The following NCOR1 variants were observed in gnomAD, a reference collection of about 807,000 sequenced individuals.
NCOR1 encodes protein phosphatase 1, regulatory subunit 109.
Under a neutral mutation model 288.1 loss-of-function variants are expected in NCOR1, and 63 were observed. That is an observed-to-expected ratio of 0.22 (90% CI 0.18 to 0.27). NCOR1 has a LOEUF of 0.27. Ranked by LOEUF, NCOR1 falls within the 10% of genes least tolerant of loss-of-function variation. The probability of loss-of-function intolerance (pLI) is 1.00; values close to 1 mark genes in which losing one functional copy is unlikely to be tolerated. For missense variants in NCOR1, 2,397 were observed against 3,019.2 expected (o/e 0.79, Z 4.83); for synonymous variants, 1,007 against 1,065.9 (o/e 0.94, Z 1.08).
chr17:16,104,318 T>TA (rs572819484), intron 19 of NCOR1, among the ~76,000 whole-genome samples: 3 of 152,118 alleles, frequency 2.0e-5, no homozygotes, highest in Non-Finnish European at 2.9e-5. Context: ...GACAGCAATA[T>TA]AAAAAAAACT....
At chr17:16,067,817 T>TAC (rs1279086805) in intron 32 of NCOR1, 77 bp downstream of exon 32, 3 of 1,360,424 alleles carry the variant, frequency 2.2e-6, no homozygotes, top group Non-Finnish European at 3.0e-6. Flanking sequence ...TACTATATTG[T>TAC]ACAACAACAG....
intron 14 of NCOR1, among the ~76,000 whole-genome samples, chr17:16,130,482 G>GT (rs1002826415): frequency 1.3e-5 from 2 of 152,082 alleles, no homozygotes; most frequent in Non-Finnish European, 2.9e-5. Context: ...CGTTGTCCAG[G>GT]TTTTTCCTTT....
chr17:16,061,870 T>C lies in NCOR1; in HGVS notation c.5412A>G (p.Ser1804=), dbSNP rs777700568. Residue 1804 remains serine, a synonymous_variant, in exon 37 of 46, where the codon TCA becomes TCG. Coordinates refer to ENST00000268712, the MANE Select transcript of NCOR1 (RefSeq NM_006311.4). ...GGGAGGCTGGCAGGCCTTGGCTTATTGAAGGGCCCCCAGCAGGCAGTGGCC... is the reference window on the plus strand; with the variant it reads ...GGGAGGCTGGCAGGCCTTGGCTTATCGAAGGGCCCCCAGCAGGCAGTGGCC... ...RIMPLPAGGP[S]ISQGLPASRY... The C allele has an allele frequency of 6.2e-7, 1 of 1,611,574 alleles. No individual in the cohort carries two copies. The highest frequency in any genetic ancestry group is 1.1e-5 in the South Asian group (1 of 90,902).
intron 14 of NCOR1, among the ~76,000 whole-genome samples, chr17:16,128,990 C>T (rs574033706): frequency 1.3e-5 from 2 of 152,296 alleles, no homozygotes; most frequent in Middle Eastern, 3.4e-3. Context: ...TCAACATTCT[C>T]TTTTGGTGTT....
At chr17:16,153,417 T>C (rs750991207) in intron 6 of NCOR1, 22 bp from the exon 7 acceptor site, 9 of 1,488,944 alleles carry the variant, frequency 6.0e-6, no homozygotes, top group Non-Finnish European at 7.3e-6. Flanking sequence ...GACATTGTTG[T>C]ATCATATAAT....
intron 14 of NCOR1, 114 bp from the exon 15 acceptor site, chr17:16,126,320 A>C (rs1267947080): frequency 9.4e-7 from 1 of 1,067,102 alleles, no homozygotes; most frequent in African/African-American, 1.6e-5. Context: ...GTCATTTACA[A>C]TGTAACTGGT....
At chr17:16,113,190 C>T (rs1381914501) in intron 18 of NCOR1, among the ~76,000 whole-genome samples, 1 of 151,496 alleles carries the variant, frequency 6.6e-6, no homozygotes, top group East Asian at 2.0e-4. Flanking sequence ...GCTGGGATTA[C>T]AGGCATAAGC....
chr17:16,145,826 A>G (rs980172691), intron 10 of NCOR1, among the ~76,000 whole-genome samples: 1 of 152,164 alleles, frequency 6.6e-6, no homozygotes, highest in Non-Finnish European at 1.5e-5. Flanking sequence ...GCCGGCCAGG[A>G]TGACGATGGC....
chr17:16,201,535 T>C (rs1475389572), intron 1 of NCOR1, among the ~76,000 whole-genome samples: 1 of 151,956 alleles, frequency 6.6e-6, no homozygotes, highest in Non-Finnish European at 1.5e-5. Flanking sequence ...GAGGCAGAGG[T>C]TGCAGTGAGA....
chr17:16,191,220 A>T (rs1274963928), intron 2 of NCOR1, among the ~76,000 whole-genome samples: 1 of 152,234 alleles, frequency 6.6e-6, no homozygotes, highest in Non-Finnish European at 1.5e-5. Context: ...GCAAGAACTC[A>T]TTCAAATTTC....
intron 14 of NCOR1, among the ~76,000 whole-genome samples, chr17:16,127,519 A>G (rs552429893): frequency 6.8e-6 from 1 of 147,280 alleles, no homozygotes; most frequent in East Asian, 2.0e-4. Context: ...ATGTGTATAT[A>G]CACACGTGTA....
rs1252635725 is a variant in NCOR1, at chr17:16,029,207, A to C, written c.*3089T>G. 4.4e-6 allele frequency: 2 copies of C among 453,674 alleles called. No homozygotes were observed. The highest frequency in any genetic ancestry group is 4.0e-5 in the African/African-American group (2 of 49,942). 28.1% of individuals were successfully genotyped at this position (453,674 alleles called of 1,614,324 possible). ...TATTAATTTTAAATCATCCACAGTG[A>C]CTCAGCTCATGGTCTCGTTGTTGGA... On this transcript the variant is annotated 3_prime_UTR_variant, in exon 46 of 46. Coordinates refer to ENST00000268712, the MANE Select transcript of NCOR1 (RefSeq NM_006311.4).
At position 16,086,342 on chromosome 17, in the gene NCOR1, T is replaced by C. The variant is rs1374611102; in HGVS notation, c.3117A>G (p.Ser1039=). Residue 1039 remains serine (S), a synonymous_variant, in exon 23 of 46, where the codon TCA becomes TCG. Transcript: ENST00000268712. ...PTRPPPPLIP[S]SKTTVASEKP... ...TTTCTGAAGCCACTGTGGTTTTGGA[T>C]GACGGGATGAGAGGGGGCGGTGGCC... The C allele has an allele frequency of 1.2e-6, 2 of 1,614,046 alleles. No individual in the cohort carries two copies. The highest frequency in any genetic ancestry group is 1.7e-5 in the Admixed American group (1 of 59,998).
At chr17:16,066,420 G>A (rs1174780796) in intron 32 of NCOR1, among the ~76,000 whole-genome samples, 1 of 152,074 alleles carries the variant, frequency 6.6e-6, no homozygotes, top group Non-Finnish European at 1.5e-5. Flanking sequence ...GGAAGGGGTA[G>A]GCGTGGTAAA....
intron 34 of NCOR1, 38 bp from the exon 35 acceptor site, chr17:16,064,225 T>C: frequency 6.3e-7 from 1 of 1,592,604 alleles, no homozygotes; most frequent in South Asian, 1.1e-5. Flanking sequence ...GATAAAAATA[T>C]CAACTGACTG....
At chr17:16,106,426 T>C (rs553792871) in intron 19 of NCOR1, among the ~76,000 whole-genome samples, 20 of 135,762 alleles carry the variant, frequency 1.5e-4, no homozygotes, top group East Asian at 9.7e-4. Flanking sequence ...TCTTTTTTTT[T>C]CCTAAAAATA....
chr17:16,170,555 C>T (rs962400693), intron 4 of NCOR1, among the ~76,000 whole-genome samples: 2 of 152,140 alleles, frequency 1.3e-5, no homozygotes, highest in South Asian at 2.1e-4. Context: ...TAAACATAGG[C>T]CCGGCACAGT....
rs76057581 is a variant in NCOR1 at position 16,097,583 on chromosome 17, G to T, written c.2820+784C>A. 6.4e-3 allele frequency among the ~76,000 whole-genome samples: 978 copies of T among 152,296 alleles called. 14 individuals carry two copies. The highest frequency in any genetic ancestry group is 0.023 in the African/African-American group (945 of 41,560). On this transcript the variant is annotated intron_variant, in intron 21 of 45. Transcript: ENST00000268712. ...GCTGGTGAACACGTGGAGTTGCTGG[G>T]AGGGAGGCAGACCTAGATAGGAGAC...
chr17:16,172,519 A>T (rs1310945346), intron 3 of NCOR1, among the ~76,000 whole-genome samples: 2 of 152,240 alleles, frequency 1.3e-5, no homozygotes, highest in Admixed American at 6.5e-5. Context: ...TATAAACCAG[A>T]AGAGCCACCA....
Sources: allele counts gnomAD v4.1 joint callset (sites outside exome capture counted in the v4.1 genomes callset), GRCh38; gene constraint gnomAD v4.1.1; transcripts MANE v1.5; gene names NCBI Gene and HGNC (gene_info 2026-07-23, HGNC 2026-07-21).